Variants in KCNQ3 observed in about 807,000 individuals in gnomAD.
The protein encoded by KCNQ3 is potassium voltage-gated channel subfamily Q member 3, also known as potassium voltage-gated channel subfamily KQT member 3.
In KCNQ3, 30 loss-of-function variants were observed where a neutral mutation model predicts 92.5. The observed-to-expected ratio is 0.32, with a 90% CI of 0.24 to 0.44. The LOEUF is 0.44. Ranked by LOEUF, KCNQ3 falls within the 20% of genes least tolerant of loss-of-function variation. The pLI is 1.00. For missense variants in KCNQ3, 913 were observed against 1,140.3 expected, an observed-to-expected ratio of 0.80 and a Z score of 2.87; for synonymous variants, 450 against 468.8, an observed-to-expected ratio of 0.96 and a Z score of 0.52.
chr8:132,344,017 G>A (rs541524116), intron 1 of KCNQ3, among the ~76,000 whole-genome samples: 2 of 152,298 alleles, frequency 1.3e-5, no homozygotes, highest in African/African-American at 4.8e-5. Context: ...GCTTGTTGCT[G>A]GGCAATAATT....
chr8:132,239,793 C>T (rs994971467), intron 1 of KCNQ3, among the ~76,000 whole-genome samples: 4 of 152,140 alleles, frequency 2.6e-5, no homozygotes, highest in African/African-American at 9.7e-5. Context: ...GTTGAGTGAT[C>T]GTGCACAAGT....
intron 1 of KCNQ3, among the ~76,000 whole-genome samples, chr8:132,428,684 A>G (rs929766048): frequency 8.5e-5 from 13 of 152,262 alleles, no homozygotes; most frequent in Admixed American, 1.3e-4. Flanking sequence ...TAAACTGTAT[A>G]CGTACATTTA....
At chr8:132,462,764 A>G (rs1415128004) in intron 1 of KCNQ3, among the ~76,000 whole-genome samples, 4 of 152,220 alleles carry the variant, frequency 2.6e-5, no homozygotes, top group Non-Finnish European at 5.9e-5. Flanking sequence ...ACAAGGATCA[A>G]ATGCAACAAT....
intron 1 of KCNQ3, among the ~76,000 whole-genome samples, chr8:132,337,901 A>T (rs1383239629): frequency 6.6e-6 from 1 of 152,240 alleles, no homozygotes; most frequent in South Asian, 2.1e-4. Flanking sequence ...ACCACTTGCC[A>T]AGAGAGGAAC....
At chr8:132,430,805 C>T (rs1479394072) in intron 1 of KCNQ3, among the ~76,000 whole-genome samples, 1 of 152,160 alleles carries the variant, frequency 6.6e-6, no homozygotes, top group Non-Finnish European at 1.5e-5. Context: ...TAAATGAACA[C>T]ATCTCAGTGG....
At chr8:132,355,144 G>A (rs1285257235) in intron 1 of KCNQ3, among the ~76,000 whole-genome samples, 1 of 152,244 alleles carries the variant, frequency 6.6e-6, no homozygotes, top group East Asian at 1.9e-4. Context: ...CTCTAGACCA[G>A]ATTGAGGTCA....
rs568215450 is a variant in KCNQ3, at chr8:132,433,757, G to A, written c.386+46390C>T. Among the ~76,000 whole-genome samples, 7 of 152,210 alleles carry A rather than the reference G, an allele frequency of 4.6e-5. No individual in the cohort carries two copies. In the East Asian group the frequency reaches 1.4e-3, roughly 29 times the overall value. On this transcript the variant is annotated intron_variant, in intron 1 of 14. Coordinates refer to ENST00000388996, the MANE Select transcript of KCNQ3 (RefSeq NM_004519.4). ...GTACCAAAATTAGCTGGATGTGGTG[G>A]TGCACACCTGTAATTCCAGCTACTC...
chr8:132,393,975 A>T (rs965308008), intron 1 of KCNQ3, among the ~76,000 whole-genome samples: 3 of 152,138 alleles, frequency 2.0e-5, no homozygotes, highest in Admixed American at 2.0e-4. Context: ...CCAGCTACCT[A>T]CTGTGTGCCC....
intron 1 of KCNQ3, among the ~76,000 whole-genome samples, chr8:132,347,286 G>T (rs2130697752): frequency 6.6e-6 from 1 of 152,210 alleles, no homozygotes; most frequent in East Asian, 1.9e-4. Flanking sequence ...TATTTCAATG[G>T]CCTGGAAAGT....
chr8:132,221,215 A>G (rs1246691328), intron 1 of KCNQ3, among the ~76,000 whole-genome samples: 1 of 152,220 alleles, frequency 6.6e-6, no homozygotes, highest in Non-Finnish European at 1.5e-5. Flanking sequence ...CCAGTCTACC[A>G]TTGATGGACA....
chr8:132,314,650 G>T (rs1817688281), intron 1 of KCNQ3, among the ~76,000 whole-genome samples: 1 of 152,180 alleles, frequency 6.6e-6, no homozygotes, highest in African/African-American at 2.4e-5. Context: ...ATGGAAACAG[G>T]TCTTAAGAAT....
intron 1 of KCNQ3, among the ~76,000 whole-genome samples, chr8:132,289,397 A>C (rs1318369043): frequency 1.3e-5 from 2 of 152,222 alleles, no homozygotes; most frequent in Non-Finnish European, 2.9e-5. Context: ...AGTTGCCAGC[A>C]GAGCCAGCTC....
intron 1 of KCNQ3, among the ~76,000 whole-genome samples, chr8:132,381,051 C>G (rs987676734): frequency 2.0e-5 from 3 of 151,922 alleles, no homozygotes; most frequent in African/African-American, 7.3e-5. Flanking sequence ...TCAGCGCTGC[C>G]AAGAAACCTA....
chr8:132,359,428 CTG>C (rs1819106055), intron 1 of KCNQ3, among the ~76,000 whole-genome samples: 2 of 152,144 alleles, frequency 1.3e-5, no homozygotes, highest in Non-Finnish European at 2.9e-5. Flanking sequence ...TCACTGTGTC[CTG>C]CTGGGTGCTC....
chr8:132,280,771 A>G (rs758882861), intron 1 of KCNQ3, among the ~76,000 whole-genome samples: 10 of 152,342 alleles, frequency 6.6e-5, no homozygotes, highest in African/African-American at 2.4e-4. Context: ...GAAGGTGGAA[A>G]TGAGTTAATC....
At chr8:132,403,016 CAAAAAAAA>C (rs375099145) in intron 1 of KCNQ3, among the ~76,000 whole-genome samples, 1 of 67,632 alleles carries the variant, frequency 1.5e-5, no homozygotes, top group Non-Finnish European at 2.4e-5. Flanking sequence ...GGCACCATCA[CAAAAAAAA>C]AAAAAAAAGT....
intron 1 of KCNQ3, among the ~76,000 whole-genome samples, chr8:132,277,441 C>T (rs1816370395): frequency 1.3e-5 from 2 of 152,156 alleles, no homozygotes; most frequent in South Asian, 4.1e-4. Flanking sequence ...GGAGGAGCTA[C>T]ACATTCAAGT....
At chr8:132,175,046 A>C (rs1826502679) in intron 5 of KCNQ3, among the ~76,000 whole-genome samples, 1 of 152,226 alleles carries the variant, frequency 6.6e-6, no homozygotes. Flanking sequence ...GGAGCAAAGA[A>C]AGCCTTCAGT....
intron 1 of KCNQ3, among the ~76,000 whole-genome samples, chr8:132,284,677 A>T (rs1816627479): frequency 6.6e-6 from 1 of 152,212 alleles, no homozygotes; most frequent in African/African-American, 2.4e-5. Context: ...GGTCATATTT[A>T]CTAGCCTTAG....
Sources: allele counts gnomAD v4.1 joint callset (sites outside exome capture counted in the v4.1 genomes callset), GRCh38; gene constraint gnomAD v4.1.1; transcripts MANE v1.5; gene names NCBI Gene and HGNC (gene_info 2026-07-23, HGNC 2026-07-21).